The following PPP2R2D variants were observed in gnomAD, a reference collection of about 807,000 sequenced individuals.
PPP2R2D encodes the protein protein phosphatase 2 regulatory subunit Bdelta.
PPP2R2D carries 9 observed loss-of-function variants against 31.1 expected under a neutral mutation model. The ratio of observed to expected loss-of-function variants is 0.29; its 90% CI spans 0.17 to 0.51. The LOEUF (loss-of-function observed/expected upper bound fraction) is 0.51. PPP2R2D is among the 20% of genes least tolerant of loss of function. PPP2R2D has a pLI of 0.98. For synonymous variants in PPP2R2D, 179 were observed against 172.6 expected (o/e 1.04, Z -0.29); for missense variants, 391 against 465.6 (o/e 0.84, Z 1.48).
At chr10:131,936,032 C>T (rs2036333311) in intron 3 of PPP2R2D, among the ~76,000 whole-genome samples, 1 of 151,510 alleles carries the variant, frequency 6.6e-6, no homozygotes, top group Non-Finnish European at 1.5e-5. Context: ...CATTGCACTC[C>T]AGCCTGGGCA....
chr10:131,971,344 T>A, the PPP2R2D span: 2 of 248,392 alleles, frequency 8.1e-6, no homozygotes, highest in Non-Finnish European at 1.6e-5. Context: ...GAAAAGAAAA[T>A]GAAAACAGCC....
rs145526894 is a variant in PPP2R2D at position 131,943,177 on chromosome 10, C to T, written c.478-791C>T. On this transcript the variant is annotated intron_variant, in intron 5 of 8. Transcript: ENST00000455566. ...TGATGCTATTCCTCACGCCTGAGCT[C>T]TCACCTCTGACCATAGGCGGCCTGC... 3.6e-3 allele frequency among the ~76,000 whole-genome samples: 541 copies of T among 152,272 alleles called. 2 individuals carry two copies. The highest frequency in any genetic ancestry group is 0.017 in the Middle Eastern group (5 of 294).
chr10:131,916,367 A>C (rs1224915795), intron 2 of PPP2R2D, among the ~76,000 whole-genome samples: 1 of 139,146 alleles, frequency 7.2e-6, no homozygotes, highest in Non-Finnish European at 1.6e-5. Flanking sequence ...AATTTTTTTT[A>C]ATTGTGGTAA....
intron 2 of PPP2R2D, among the ~76,000 whole-genome samples, chr10:131,911,368 A>C (rs923402141): frequency 1.3e-5 from 2 of 152,130 alleles, no homozygotes; most frequent in African/African-American, 2.4e-5. Context: ...TTGTTTTTCA[A>C]CCCCAACAAC....
intron 2 of PPP2R2D, among the ~76,000 whole-genome samples, chr10:131,915,778 T>C (rs1248521416): frequency 2.0e-5 from 3 of 152,252 alleles, no homozygotes; most frequent in Admixed American, 2.0e-4. Context: ...TGACTTCGTT[T>C]ATGGTAACAG....
chr10:131,922,089 T>C (rs2035997108), intron 2 of PPP2R2D, among the ~76,000 whole-genome samples: 2 of 152,358 alleles, frequency 1.3e-5, no homozygotes. Context: ...GGCAGTGGTT[T>C]AATATGGTTC....
chr10:131,968,855 A>G, the PPP2R2D span: 5 of 293,514 alleles, frequency 1.7e-5, no homozygotes, highest in African/African-American at 1.1e-4. Context: ...CTTTGTTCCA[A>G]CTCAGTGCTG....
chr10:131,912,158 TAGTC>T (rs1321867271), intron 2 of PPP2R2D: 6 of 152,338 alleles, frequency 3.9e-5, no homozygotes, highest in South Asian at 2.1e-4. Flanking sequence ...TTTTCTGTAT[TAGTC>T]AGTATTGTTT....
intron 2 of PPP2R2D, among the ~76,000 whole-genome samples, chr10:131,921,376 G>A (rs1003747196): frequency 3.9e-5 from 6 of 152,132 alleles, no homozygotes; most frequent in Admixed American, 6.5e-5. Context: ...CTAAGGCTTC[G>A]GCAGTTAAGA....
intron 2 of PPP2R2D, among the ~76,000 whole-genome samples, chr10:131,913,996 T>C (rs1387739118): frequency 6.6e-6 from 1 of 152,162 alleles, no homozygotes; most frequent in African/African-American, 2.4e-5. Context: ...CACCTACCAC[T>C]GCACCGGCAC....
At chr10:131,931,528 A>G (rs2036227324) in intron 2 of PPP2R2D, among the ~76,000 whole-genome samples, 2 of 152,046 alleles carry the variant, frequency 1.3e-5, no homozygotes, top group African/African-American at 4.8e-5. Context: ...TTGTATTTTT[A>G]GTAGAGATGG....
rs149623930 is a variant in PPP2R2D, at chr10:131,927,929, G to T, written c.101-6529G>T. ...GTAAGTGGTTCAGTGATGCACATAT[G>T]TAGTTCTGGGGGCTGTGTGTCTGGA... On this transcript the variant is annotated intron_variant, in intron 2 of 8. Coordinates refer to ENST00000455566, the MANE Select transcript of PPP2R2D (RefSeq NM_018461.5). Among the ~76,000 whole-genome samples the T allele has an allele frequency of 7.2e-5, 11 of 152,336 alleles. No homozygotes were observed. The East Asian group carries it at 1.9e-3, about 27-fold the overall frequency.
chr10:131,934,889 T>C, intron 3 of PPP2R2D: 1 of 462,276 alleles, frequency 2.2e-6, no homozygotes, highest in Non-Finnish European at 4.3e-6. Context: ...TATACGCCTA[T>C]GCAGGTACTG....
At chr10:131,963,223 A>C (rs995854431), downstream of PPP2R2D, among the ~76,000 whole-genome samples, 3 of 152,188 alleles carry the variant, frequency 2.0e-5, no homozygotes, top group African/African-American at 7.2e-5. Context: ...GGAAACACTA[A>C]TTTATGATTC....
intron 2 of PPP2R2D, among the ~76,000 whole-genome samples, chr10:131,917,761 A>G (rs2035845325): frequency 8.6e-6 from 1 of 116,286 alleles, no homozygotes; most frequent in South Asian, 3.5e-4. Context: ...TAGGGACCTC[A>G]GGCGGGTGGA....
intron 8 of PPP2R2D, among the ~76,000 whole-genome samples, chr10:131,952,460 G>A (rs1378533813): frequency 1.1e-5 from 1 of 87,386 alleles, no homozygotes; most frequent in South Asian, 4.9e-4. Flanking sequence ...GTGTGCGGGG[G>A]TTCACTGTCT....
At chr10:131,925,524 G>T (rs547846093) in intron 2 of PPP2R2D, among the ~76,000 whole-genome samples, 1 of 152,246 alleles carries the variant, frequency 6.6e-6, no homozygotes, top group African/African-American at 2.4e-5. Context: ...AATATTGTTT[G>T]TTCCTGTAGC....
At chr10:131,905,309 G>A (rs922227564) in intron 2 of PPP2R2D, among the ~76,000 whole-genome samples, 16 of 152,252 alleles carry the variant, frequency 1.1e-4, no homozygotes, top group Admixed American at 2.6e-4. Flanking sequence ...ACGATGTTGC[G>A]GTTCTAAACG....
downstream of PPP2R2D, among the ~76,000 whole-genome samples, chr10:131,963,574 C>T (rs1034761741): frequency 1.3e-5 from 2 of 152,324 alleles, no homozygotes; most frequent in South Asian, 2.1e-4. Context: ...CCACACCGTC[C>T]GTGGAGCCTC....
Sources: allele counts gnomAD v4.1 joint callset (sites outside exome capture counted in the v4.1 genomes callset), GRCh38; gene constraint gnomAD v4.1.1; transcripts MANE v1.5; gene names NCBI Gene and HGNC (gene_info 2026-07-23, HGNC 2026-07-21).